The following R3HDM2 variants were observed in gnomAD, a reference collection of about 807,000 sequenced individuals.
R3HDM2 encodes the protein R3H domain containing 2, also known as R3H domain-containing protein 2.
In R3HDM2, 38 loss-of-function variants were observed where a neutral mutation model predicts 124.5. The ratio of observed to expected loss-of-function variants is 0.31; its 90% confidence interval spans 0.24 to 0.40. The LOEUF (loss-of-function observed/expected upper bound fraction) is 0.40. Ranked by LOEUF, R3HDM2 falls within the 10% of genes least tolerant of loss-of-function variation. The pLI is 1.00. For synonymous variants in R3HDM2, 391 were observed against 448.0 expected, an observed-to-expected ratio of 0.87 and a Z score of 1.61; for missense variants, 869 against 1,236.9, an observed-to-expected ratio of 0.70 and a Z score of 4.46.
At chr12:57,259,527 T>A (rs1231403532) in intron 19 of R3HDM2, among the ~76,000 whole-genome samples, 1 of 152,210 alleles carries the variant, frequency 6.6e-6, no homozygotes, top group Non-Finnish European at 1.5e-5. Context: ...AGTTTCACTA[T>A]GCCAGACCCA....
intron 2 of R3HDM2, among the ~76,000 whole-genome samples, chr12:57,339,757 A>AG (rs1211219057): frequency 2.0e-5 from 3 of 152,008 alleles, no homozygotes; most frequent in Non-Finnish European, 4.4e-5. Context: ...CTGTTAAGGG[A>AG]GTGGGCTAGG....
chr12:57,275,530 A>G (rs900031271), intron 14 of R3HDM2, among the ~76,000 whole-genome samples: 4 of 151,814 alleles, frequency 2.6e-5, no homozygotes, highest in African/African-American at 9.7e-5. Flanking sequence ...AGCAGAGGAA[A>G]CAGACAAACC....
At chr12:57,261,031 C>T (rs2040680600) in intron 19 of R3HDM2, among the ~76,000 whole-genome samples, 1 of 152,158 alleles carries the variant, frequency 6.6e-6, no homozygotes, top group Admixed American at 6.5e-5. Flanking sequence ...CCATCTCCTG[C>T]CAAGGTGGAC....
At chr12:57,358,041 C>T (rs1372126020) in intron 2 of R3HDM2, among the ~76,000 whole-genome samples, 1 of 150,942 alleles carries the variant, frequency 6.6e-6, no homozygotes, top group African/African-American at 2.4e-5. Flanking sequence ...TGTAGTGGCA[C>T]GATCTCGGAT....
chr12:57,255,257 C>T, intron 23 of R3HDM2, 144 bp from the exon 24 acceptor site: 1 of 623,434 alleles, frequency 1.6e-6, no homozygotes, highest in Non-Finnish European at 2.7e-6. Context: ...GCCCTTTCTT[C>T]CCCTCCCCAC....
At chr12:57,428,291 T>C (rs1442426531) in intron 1 of R3HDM2, among the ~76,000 whole-genome samples, 1 of 151,930 alleles carries the variant, frequency 6.6e-6, no homozygotes, top group African/African-American at 2.4e-5. Flanking sequence ...CAGAGGCCAG[T>C]GTGCATGTTA....
At chr12:57,413,160 A>G (rs1046640223) in intron 1 of R3HDM2, among the ~76,000 whole-genome samples, 3 of 152,132 alleles carry the variant, frequency 2.0e-5, no homozygotes, top group Non-Finnish European at 2.9e-5. Context: ...CTCAAAAAAA[A>G]GAAGAAAAAG....
chr12:57,429,173 G>A (rs917136827), intron 1 of R3HDM2, among the ~76,000 whole-genome samples: 3 of 152,108 alleles, frequency 2.0e-5, no homozygotes, highest in Admixed American at 6.6e-5. Context: ...GATCACTTGA[G>A]GCCAGGAGTT....
chr12:57,259,545 C>A (rs1309566948), intron 19 of R3HDM2, among the ~76,000 whole-genome samples: 1 of 152,166 alleles, frequency 6.6e-6, no homozygotes, highest in African/African-American at 2.4e-5. Flanking sequence ...CCAGAAAGTA[C>A]ATCTTGGCCA....
chr12:57,430,554 G>A (rs1248856754), intron 1 of R3HDM2, 166 bp downstream of exon 1: 3 of 984,674 alleles, frequency 3.0e-6, no homozygotes, highest in Non-Finnish European at 3.6e-6. Context: ...ACTTGGAGCA[G>A]TCCTTCCCGC....
At chr12:57,382,012 G>A (rs1163577015) in intron 2 of R3HDM2, among the ~76,000 whole-genome samples, 3 of 151,532 alleles carry the variant, frequency 2.0e-5, no homozygotes, top group Non-Finnish European at 4.4e-5. Context: ...TAGAGATGGG[G>A]GTCTCCCTAT....
chr12:57,377,608 T>C (rs1679722112), intron 2 of R3HDM2, among the ~76,000 whole-genome samples: 1 of 152,090 alleles, frequency 6.6e-6, no homozygotes. Flanking sequence ...ACTGGCAATA[T>C]AAGCTTTTCT....
chr12:57,337,667 G>GT (rs2059032450), intron 2 of R3HDM2, among the ~76,000 whole-genome samples: 1 of 152,126 alleles, frequency 6.6e-6, no homozygotes, highest in South Asian at 2.1e-4. Context: ...ATAACCTTGT[G>GT]TATGTGTGTA....
At chr12:57,295,575 T>C (rs1592883107) in intron 9 of R3HDM2, 68 bp from the exon 10 acceptor site, 2 of 1,060,802 alleles carry the variant, frequency 1.9e-6, no homozygotes, top group Non-Finnish European at 2.8e-6. Context: ...GCAGACCTAT[T>C]AGGTACAGCT....
chr12:57,385,044 G>A (rs1177810252), intron 2 of R3HDM2, among the ~76,000 whole-genome samples: 1 of 151,866 alleles, frequency 6.6e-6, no homozygotes, highest in African/African-American at 2.4e-5. Context: ...CTACTCAGGA[G>A]GCTGAGGCAG....
intron 2 of R3HDM2, among the ~76,000 whole-genome samples, chr12:57,343,910 T>C (rs560979031): frequency 1.3e-5 from 2 of 152,184 alleles, no homozygotes; most frequent in Non-Finnish European, 2.9e-5. Context: ...GACAGGCCAT[T>C]TGTGGTTTTT....
At chr12:57,352,861 C>A (rs761683466) in intron 2 of R3HDM2, among the ~76,000 whole-genome samples, 4 of 151,916 alleles carry the variant, frequency 2.6e-5, no homozygotes, top group Non-Finnish European at 4.4e-5. Context: ...AATAGAGATC[C>A]TGTACATGAC....
chr12:57,282,326 T>C (rs1371818078), intron 13 of R3HDM2, among the ~76,000 whole-genome samples: 1 of 144,576 alleles, frequency 6.9e-6, no homozygotes, highest in Non-Finnish European at 1.5e-5. Context: ...AAGAAAGAAA[T>C]GGTTGGAAAG....
rs752548419 is a variant in R3HDM2, at chr12:57,268,355, C to G, written c.1978G>C (p.Gly660Arg). The G allele has an allele frequency of 1.2e-6, 2 of 1,614,124 alleles. No homozygotes were observed. The highest frequency in any genetic ancestry group is 1.1e-5 in the South Asian group (1 of 91,088). Reference sequence around the variant, plus strand: ...ATCATGCTATAGTACACTGGTACCCCCGCTGCTGGGAGGCCTCCTTGCACA... The same window carrying G: ...ATCATGCTATAGTACACTGGTACCCGCGCTGCTGGGAGGCCTCCTTGCACA... ...QSVQGGLPAA[G>R]VPVYYSMIPP... The change falls in exon 18 of 24, where the codon GGG becomes CGG. Residue 660 changes from glycine to arginine, a missense_variant. By Grantham distance (125) the Gly-to-Arg change is moderately radical (BLOSUM62 -2). Coordinates refer to ENST00000402412, the MANE Select transcript of R3HDM2 (RefSeq NM_001394031.1).
Sources: gnomAD v4.1 joint callset for allele counts (sites outside exome capture counted in the v4.1 genomes callset) on GRCh38, gnomAD v4.1.1 for gene constraint, MANE v1.5 for transcripts, NCBI Gene and HGNC (gene_info 2026-07-23, HGNC 2026-07-21) for gene names.